Variants in NEB observed in about 807,000 individuals in gnomAD.
NEB encodes nemaline myopathy type 2.
A neutral mutation model predicts 952.2 loss-of-function variants in NEB; 512 were observed. The observed-to-expected ratio is 0.54, with a 90% confidence interval of 0.50 to 0.58. The LOEUF is 0.58. Among genes scored for constraint, NEB ranks in the 20% least tolerant of loss-of-function variants. NEB has a pLI of 0.00. For missense variants in NEB, 8,428 were observed against 9,231.1 expected, an observed-to-expected ratio of 0.91 and a Z score of 3.56; for synonymous variants, 2,900 against 3,149.8, an observed-to-expected ratio of 0.92 and a Z score of 2.66.
intron 10 of NEB, among the ~76,000 whole-genome samples, chr2:151,715,899 G>A (rs1028456877): frequency 1.3e-5 from 2 of 152,122 alleles, no homozygotes; most frequent in African/African-American, 2.4e-5. Flanking sequence ...GATTATAGAC[G>A]AGTTTGAAAG....
rs116151533 is a variant in NEB at position 151,538,296 on chromosome 2, T to C, written c.20893-52A>G. The C allele has an allele frequency of 1.5e-3, 1,962 of 1,343,124 alleles. 22 individuals carry two copies. The African/African-American group carries it at 0.026, about 17-fold the overall frequency. 83.2% of individuals were successfully genotyped at this position (1,343,124 alleles called of 1,614,324 possible). On this transcript the variant is annotated intron_variant, in intron 138 of 181. Transcript: ENST00000397345. ...ACAAAAAAACTACCAAGTTAAATAA[T>C]TGAGCTCTTTTAAGCATGAACTCTC...
chr2:151,538,846 G>A (rs1010103737), intron 138 of NEB, among the ~76,000 whole-genome samples: 1 of 152,170 alleles, frequency 6.6e-6, no homozygotes. Context: ...GAATATCATA[G>A]ATGATTCATC....
intron 54 of NEB, among the ~76,000 whole-genome samples, chr2:151,647,005 G>T (rs1253571233): frequency 3.9e-5 from 6 of 152,026 alleles, no homozygotes; most frequent in African/African-American, 7.3e-5. Context: ...AGGATTTTTT[G>T]GGGGGGAATT....
rs2098272427 is a variant in NEB at position 151,618,291 on chromosome 2, G to A, written c.11060C>T (p.Ala3687Val). Residue 3687 changes from alanine (A) to valine (V), a missense_variant, in exon 74 of 182, where the codon GCT (alanine) becomes GTT (valine). By Grantham distance (64) the Ala-to-Val change is moderately conservative. Coordinates refer to ENST00000397345, the MANE Select transcript of NEB (RefSeq NM_001164508.2). ...TPEQVLAKNN[A>V]LNMNKRLYTE... ...AAGACTCACCTTATTCATGTTTAAA[G>A]CATTGTTTTTTGCCAGCACCTGCTC... 3 of 1,613,758 alleles carry A rather than the reference G, an allele frequency of 1.9e-6. No homozygotes were observed. Among genetic ancestry groups the A allele is most frequent in the Admixed American group, 3.3e-5 (2 of 59,990 alleles).
At position 151,629,621 on chromosome 2, in the gene NEB, T is replaced by A; in HGVS notation, c.9749A>T (p.Glu3250Val). 6.2e-7 allele frequency: 1 copy of A among 1,613,734 alleles called. No homozygotes were observed. Among genetic ancestry groups the A allele is most frequent in the Non-Finnish European group, 8.5e-7 (1 of 1,179,708 alleles). Residue 3250 changes from glutamate (E) to valine (V), a missense_variant, in exon 68 of 182, where the codon GAA (glutamate) becomes GTA (valine). Physicochemically the swap from Glu to Val is moderately radical, Grantham distance 121 (BLOSUM62 -2). This residue lies in a region of NEB where 1,772 missense variants were observed against 1,960.3 expected (regional missense o/e 0.90). Coordinates refer to ENST00000397345, the MANE Select transcript of NEB (RefSeq NM_001164508.2). ...CAAGTCGTAGCCTTTCTTTTTTGCT[T>A]CTTCATTGGCAAGTTTGTATAGAGT... ...SETLYKLANE[E>V]AKKKGYDLRS...
At chr2:151,702,143 C>G (rs1258463367) in intron 13 of NEB, among the ~76,000 whole-genome samples, 2 of 146,426 alleles carry the variant, frequency 1.4e-5, no homozygotes, top group Non-Finnish European at 3.0e-5. Context: ...CATTCAGGAG[C>G]AGGTTGTTCA....
intron 127 of NEB, 46 bp downstream of exon 127, chr2:151,553,352 A>G (rs2095446854): frequency 7.1e-7 from 1 of 1,416,192 alleles, no homozygotes; most frequent in Non-Finnish European, 1.0e-6. Context: ...ACTCTAGACT[A>G]TGGAGAAATG....
At chr2:151,495,562 C>G (rs922395968) in intron 173 of NEB, among the ~76,000 whole-genome samples, 2 of 152,202 alleles carry the variant, frequency 1.3e-5, no homozygotes, top group Non-Finnish European at 2.9e-5. Flanking sequence ...CCCCTGCAAA[C>G]CTCAATCCCT....
chr2:151,506,864 A>T (rs1447453577), intron 163 of NEB, 45 bp downstream of exon 163: 1 of 1,252,942 alleles, frequency 8.0e-7, no homozygotes, highest in Middle Eastern at 2.0e-4. Flanking sequence ...GAGGAGAGTG[A>T]AATGACTAGG....
chr2:151,624,887 G>T (rs916673670), intron 71 of NEB, among the ~76,000 whole-genome samples: 1 of 152,164 alleles, frequency 6.6e-6, no homozygotes, highest in Non-Finnish European at 1.5e-5. Context: ...GTTTAGCAAG[G>T]CTGAAGATAG....
chr2:151,629,479 T>C lies in NEB; in HGVS notation c.9831+60A>G, dbSNP rs150590530. The stretch of plus-strand genomic sequence containing the variant: ...AACTGGCCCCCAAATGTTATAATAG[T>C]AATAATCCTGCCTCCCCACTTCATC... On this transcript the variant is annotated intron_variant, in intron 68 of 181. Coordinates refer to ENST00000397345, the MANE Select transcript of NEB (RefSeq NM_001164508.2). 2.3e-5 allele frequency: 32 copies of C among 1,362,226 alleles called. No individual in the cohort carries two copies. In the African/African-American group the frequency reaches 3.9e-4, roughly 16 times the overall value. The allele number at this position is 1,362,226 out of a possible 1,614,324, so 84.4% of individuals were successfully genotyped here. A position where few individuals can be genotyped will look rare whatever the true frequency, so the allele number is the denominator to read the frequency against.
intron 135 of NEB, 40 bp from the exon 136 acceptor site, chr2:151,541,591 T>C: frequency 6.6e-7 from 1 of 1,522,680 alleles, no homozygotes; most frequent in Non-Finnish European, 9.1e-7. Context: ...TTCTGTTTCA[T>C]GGGCATGTTA....
intron 28 of NEB, among the ~76,000 whole-genome samples, chr2:151,683,713 G>A (rs2099452244): frequency 6.6e-6 from 1 of 152,100 alleles, no homozygotes; most frequent in Admixed American, 6.6e-5. Context: ...TCAACTTCGG[G>A]TTTATACCCA....
At chr2:151,729,536 C>T in intron 4 of NEB, 79 bp downstream of exon 4, 2 of 1,497,560 alleles carry the variant, frequency 1.3e-6, no homozygotes, top group Non-Finnish European at 1.9e-6. Flanking sequence ...ATCTTTGTGG[C>T]CCTGGGAGTC....
At chr2:151,630,944 A>G in intron 66 of NEB, 125 bp from the exon 67 acceptor site, 3 of 1,148,884 alleles carry the variant, frequency 2.6e-6, no homozygotes, top group South Asian at 3.3e-5. Flanking sequence ...AAAGTATTCT[A>G]CTGGAAGTGT....
In NEB at chr2:151,636,330, A is replaced by C. The variant is rs1261092026; in HGVS notation, c.8999T>G (p.Leu3000Arg). ...TGCTTCTTCATTAGCAAGTTTGTAC[A>C]GACTCTAAATTTGGGGGAAAAAAAA... Reference protein sequence around the residue: ...RMNKINYSESLYKLANEEAKK... With the variant: ...RMNKINYSESRYKLANEEAKK... The change falls in exon 64 of 182, where the codon CTG (leucine) becomes CGG (arginine). Residue 3000 changes from leucine (L) to arginine (R), a missense_variant. This residue lies in a region of NEB where 1,772 missense variants were observed against 1,960.3 expected (regional missense o/e 0.90). Transcript: ENST00000397345. 8 of 1,603,552 alleles carry C rather than the reference A, an allele frequency of 5.0e-6. No homozygotes were observed. Among genetic ancestry groups the C allele is most frequent in the Non-Finnish European group, 6.8e-6 (8 of 1,178,708 alleles).
chr2:151,504,718 T>A (rs1182354292), intron 165 of NEB, among the ~76,000 whole-genome samples: 1 of 152,158 alleles, frequency 6.6e-6, no homozygotes, highest in African/African-American at 2.4e-5. Context: ...AACACCTGCC[T>A]AGAATCTGCG....
chr2:151,496,940 C>T lies in NEB; in HGVS notation c.24393+1G>A, dbSNP rs775631800. The T allele has an allele frequency of 5.1e-6, 8 of 1,568,904 alleles. No individual in the cohort carries two copies. The South Asian group carries it at 5.8e-5, about 11-fold the overall frequency. On this transcript the variant is annotated splice_donor_variant, in intron 172 of 181. Transcript: ENST00000397345. LOFTEE classifies it high-confidence loss of function. ...GTTTTTTTCTTTTCTTGCCCAAGTA[C>T]CGAGCTAATATTTTCTTGATTGTGT...
rs368148266 is a variant in NEB at position 151,533,052 on chromosome 2, A to T, written c.21417+390T>A. On this transcript the variant is annotated intron_variant, in intron 143 of 181. Transcript: ENST00000397345. Reference sequence around the variant, plus strand: ...CTGCAACAGTTGTAGTGATAATTGAACAAGAGACACATTAGATGAAAACAT... The same window carrying T: ...CTGCAACAGTTGTAGTGATAATTGATCAAGAGACACATTAGATGAAAACAT... Among the ~76,000 whole-genome samples, 8 of 152,334 alleles carry T rather than the reference A, an allele frequency of 5.3e-5. No homozygotes were observed. The East Asian group carries it at 1.3e-3, about 26-fold the overall frequency.
Sources: gnomAD v4.1 joint callset for allele counts (sites outside exome capture counted in the v4.1 genomes callset) on GRCh38, gnomAD v4.1.1 for gene constraint, gnomAD v4.1.1 regional missense constraint, MANE v1.5 for transcripts, NCBI Gene and HGNC (gene_info 2026-07-23, HGNC 2026-07-21) for gene names.